TENM2: variants seen among roughly 807,000 people sequenced by gnomAD.
TENM2 encodes teneurin transmembrane protein 2.
In TENM2, 52 loss-of-function variants were observed where a neutral mutation model predicts 245.2. The ratio of observed to expected loss-of-function variants is 0.21; its 90% CI spans 0.17 to 0.27. The LOEUF (loss-of-function observed/expected upper bound fraction) is 0.27, where lower values mean the gene tolerates loss of function less well. Among genes scored for constraint, TENM2 ranks in the 10% least tolerant of loss-of-function variants. TENM2 has a pLI of 1.00. For synonymous variants in TENM2, 1,363 were observed against 1,438.9 expected (o/e 0.95, Z 1.19); for missense variants, 3,046 against 3,666.8 (o/e 0.83, Z 4.37).
At chr5:167,672,617 G>A (rs1013352242) in intron 2 of TENM2, among the ~76,000 whole-genome samples, 2 of 152,086 alleles carry the variant, frequency 1.3e-5, no homozygotes, top group Admixed American at 6.6e-5. Flanking sequence ...AGAAGGTTTG[G>A]CATTGCAATA....
At chr5:167,467,601 C>G (rs1766750396) in intron 2 of TENM2, among the ~76,000 whole-genome samples, 1 of 151,004 alleles carries the variant, frequency 6.6e-6, no homozygotes. Context: ...AGAAGCCCTT[C>G]TAAATTTCAC....
At chr5:166,997,293 C>G in the TENM2 span, among the ~76,000 whole-genome samples, 1 of 152,170 alleles carries the variant, frequency 6.6e-6, no homozygotes, top group Non-Finnish European at 1.5e-5. Flanking sequence ...ATATTCTAAG[C>G]ACTTTACATA....
Position 167,339,599 on chromosome 5 carries a change from A to T in TENM2, c.227-35599A>T, listed in dbSNP as rs550326496. On this transcript the variant is annotated intron_variant, in intron 1 of 28. Coordinates refer to ENST00000518659, the Ensembl canonical transcript of TENM2. ...TTTTTATTTAAAACTTCCTTTTTCA[A>T]TTCATTTTTTTTTTTATTTTTTGCA... Among the ~76,000 whole-genome samples the T allele has an allele frequency of 2.0e-4, 30 of 150,792 alleles. 3 individuals carry two copies. The South Asian group carries it at 6.3e-3, about 32-fold the overall frequency.
chr5:167,149,300 T>C, the TENM2 span, among the ~76,000 whole-genome samples: 1 of 152,192 alleles, frequency 6.6e-6, no homozygotes, highest in Non-Finnish European at 1.5e-5. Flanking sequence ...TAATCTGGCA[T>C]GAATTACTTC....
intron 2 of TENM2, among the ~76,000 whole-genome samples, chr5:167,516,080 T>C (rs979962240): frequency 1.9e-4 from 29 of 152,128 alleles, no homozygotes; most frequent in African/African-American, 6.5e-4. Context: ...AAAATGCTAG[T>C]TTTTGTATCA....
intron 7 of TENM2, among the ~76,000 whole-genome samples, chr5:168,073,555 TA>T (rs1424668639): frequency 6.6e-6 from 1 of 152,200 alleles, no homozygotes; most frequent in African/African-American, 2.4e-5. Flanking sequence ...AAGAGTGACC[TA>T]GGGGGGCAGC....
intron 2 of TENM2, among the ~76,000 whole-genome samples, chr5:167,731,788 G>T (rs1760459413): frequency 7.1e-6 from 1 of 140,992 alleles, no homozygotes; most frequent in Admixed American, 7.5e-5. Context: ...GTCTTTCTTT[G>T]GTAGTATAGC....
the TENM2 span, among the ~76,000 whole-genome samples, chr5:167,029,165 A>C: frequency 2.6e-5 from 4 of 152,164 alleles, no homozygotes; most frequent in Non-Finnish European, 5.9e-5. Flanking sequence ...TATCCTGGGT[A>C]TTTGAAATCA....
intron 2 of TENM2, among the ~76,000 whole-genome samples, chr5:167,864,814 A>G (rs1772161874): frequency 6.6e-6 from 1 of 152,310 alleles, no homozygotes; most frequent in Non-Finnish European, 1.5e-5. Context: ...AAATACAATA[A>G]TATATGTAAA....
At chr5:167,821,984 A>G (rs1767567386) in intron 2 of TENM2, among the ~76,000 whole-genome samples, 1 of 152,136 alleles carries the variant, frequency 6.6e-6, no homozygotes, top group Admixed American at 6.6e-5. Context: ...TTTTATCTTC[A>G]TGGATAAAGG....
chr5:167,079,340 T>G, the TENM2 span, among the ~76,000 whole-genome samples: 1 of 148,916 alleles, frequency 6.7e-6, no homozygotes, highest in South Asian at 2.1e-4. Context: ...TGAGACAGAG[T>G]TTTGCTCTTG....
chr5:167,456,123 T>G (rs1582097627), intron 2 of TENM2, among the ~76,000 whole-genome samples: 1 of 152,112 alleles, frequency 6.6e-6, no homozygotes, highest in East Asian at 1.9e-4. Context: ...GATAGAGGTG[T>G]TCACTCTTGG....
the TENM2 span, among the ~76,000 whole-genome samples, chr5:167,109,181 TA>T: frequency 6.6e-6 from 1 of 152,190 alleles, no homozygotes; most frequent in Non-Finnish European, 1.5e-5. Context: ...ACTATCTGTT[TA>T]ATACAGCTAG....
At chr5:167,492,377 A>C (rs1244577956) in intron 2 of TENM2, among the ~76,000 whole-genome samples, 1 of 152,110 alleles carries the variant, frequency 6.6e-6, no homozygotes, top group African/African-American at 2.4e-5. Flanking sequence ...AATTATTAAT[A>C]ATAGCACCTA....
chr5:168,096,751 C>A (rs1562153023), intron 8 of TENM2, among the ~76,000 whole-genome samples: 1 of 152,204 alleles, frequency 6.6e-6, no homozygotes, highest in Non-Finnish European at 1.5e-5. Flanking sequence ...CCCAACTCTC[C>A]AAGGGTGATA....
chr5:167,725,605 C>T (rs1759945007), intron 2 of TENM2, among the ~76,000 whole-genome samples: 3 of 152,152 alleles, frequency 2.0e-5, no homozygotes. Context: ...CTCCCTGTTT[C>T]TGCAACAGCT....
intron 20 of TENM2, among the ~76,000 whole-genome samples, chr5:168,213,221 G>A (rs954912132): frequency 3.9e-5 from 6 of 152,160 alleles, no homozygotes; most frequent in African/African-American, 7.2e-5. Flanking sequence ...GGTAGTCTAC[G>A]CTTTAGTTAT....
chr5:167,504,305 A>G, intron 2 of TENM2, among the ~76,000 whole-genome samples: 1 of 152,200 alleles, frequency 6.6e-6, no homozygotes, highest in East Asian at 1.9e-4. Context: ...AGGTTGTTAA[A>G]TTAATCTTAT....
the TENM2 span, among the ~76,000 whole-genome samples, chr5:167,067,929 T>C: frequency 6.6e-6 from 1 of 152,166 alleles, no homozygotes; most frequent in Non-Finnish European, 1.5e-5. Context: ...ACTGTATAAA[T>C]TTGCCATTAA....
Sources: allele counts gnomAD v4.1 joint callset (sites outside exome capture counted in the v4.1 genomes callset), GRCh38; gene constraint gnomAD v4.1.1; transcripts MANE v1.5; gene names NCBI Gene and HGNC (gene_info 2026-07-23, HGNC 2026-07-21).